The following PTK2B variants were observed in gnomAD, a reference collection of about 807,000 sequenced individuals.
PTK2B encodes the protein protein tyrosine kinase 2 beta.
PTK2B carries 71 observed loss-of-function variants against 142.9 expected under a neutral mutation model. That is an observed-to-expected ratio of 0.50 (90% CI 0.41 to 0.61). The LOEUF is 0.61. Ranked by LOEUF, PTK2B falls within the 20% of genes least tolerant of loss-of-function variation. The probability of loss-of-function intolerance (pLI) is 0.00; values close to 1 mark genes in which losing one functional copy is unlikely to be tolerated. For synonymous variants in PTK2B, 519 were observed against 503.4 expected, an observed-to-expected ratio of 1.03 and a Z score of -0.42; for missense variants, 1,105 against 1,320.4, an observed-to-expected ratio of 0.84 and a Z score of 2.53.
At chr8:27,314,683 A>G (rs747051167) in intron 3 of PTK2B, among the ~76,000 whole-genome samples, 2 of 152,214 alleles carry the variant, frequency 1.3e-5, no homozygotes, top group Non-Finnish European at 1.5e-5. Context: ...TTGAGCCCCT[A>G]TCTCAGGCCG....
chr8:27,329,887 AG>A (rs1006706441), intron 1 of PTK2B, among the ~76,000 whole-genome samples: 8 of 152,134 alleles, frequency 5.3e-5, no homozygotes, highest in African/African-American at 1.9e-4. Flanking sequence ...AGACAATAAC[AG>A]GGCTTTGGGT....
At chr8:27,345,657 C>T (rs1435152545) in intron 1 of PTK2B, among the ~76,000 whole-genome samples, 1 of 152,176 alleles carries the variant, frequency 6.6e-6, no homozygotes, top group African/African-American at 2.4e-5. Context: ...TGATGGGACC[C>T]AGTAACCTAT....
chr8:27,456,477 T>C (rs151234029), intron 30 of PTK2B, among the ~76,000 whole-genome samples: 1 of 152,342 alleles, frequency 6.6e-6, no homozygotes, highest in Non-Finnish European at 1.5e-5. Context: ...ATAAATGTTG[T>C]GTGTGTTCTG....
chr8:27,356,925 A>G (rs1479044717), intron 1 of PTK2B, among the ~76,000 whole-genome samples: 1 of 152,222 alleles, frequency 6.6e-6, no homozygotes, highest in East Asian at 1.9e-4. Flanking sequence ...ATGTGTCTAA[A>G]AGGGGTAACC....
At chr8:27,447,837 C>G (rs759047651) in intron 24 of PTK2B, among the ~76,000 whole-genome samples, 2 of 152,078 alleles carry the variant, frequency 1.3e-5, no homozygotes, top group Non-Finnish European at 2.9e-5. Flanking sequence ...CCAACCTGGG[C>G]AACAGAGCAA....
At chr8:27,356,423 A>T (rs1019460167) in intron 1 of PTK2B, among the ~76,000 whole-genome samples, 1 of 152,236 alleles carries the variant, frequency 6.6e-6, no homozygotes, top group Non-Finnish European at 1.5e-5. Context: ...TTTACTTAAA[A>T]CTTGAAGGAT....
intron 30 of PTK2B, among the ~76,000 whole-genome samples, chr8:27,457,050 C>G (rs1291058166): frequency 6.6e-6 from 1 of 152,226 alleles, no homozygotes; most frequent in African/African-American, 2.4e-5. Flanking sequence ...AGCAAGTTCT[C>G]TAGAAGACCC....
At position 27,436,361 on chromosome 8, in the gene PTK2B, A is replaced by T. The variant is rs754981518; in HGVS notation, c.1341+13A>T. ...CTACACAAATCACGTGAGTTCTAGG[A>T]TCTTCCCTTACACTCCTCTTCCACA... On this transcript the variant is annotated intron_variant, in intron 15 of 30. Coordinates refer to ENST00000346049, the MANE Select transcript of PTK2B (RefSeq NM_173176.3). 8 of 1,596,256 alleles carry T rather than the reference A, an allele frequency of 5.0e-6. No homozygotes were observed. Among genetic ancestry groups the T allele is most frequent in the Non-Finnish European group, 6.9e-6 (8 of 1,163,808 alleles).
intron 2 of PTK2B, among the ~76,000 whole-genome samples, chr8:27,412,963 T>C (rs947652885): frequency 1.1e-4 from 17 of 152,112 alleles, no homozygotes; most frequent in Admixed American, 9.8e-4. Flanking sequence ...CCTTTACTTC[T>C]CAAGTGGCTG....
intron 21 of PTK2B, among the ~76,000 whole-genome samples, chr8:27,442,343 A>G (rs1400479777): frequency 6.6e-6 from 1 of 152,208 alleles, no homozygotes; most frequent in African/African-American, 2.4e-5. Flanking sequence ...GGGGTCTGTG[A>G]TTCCAGGTTA....
chr8:27,424,374 G>A (rs1485372711), intron 5 of PTK2B, among the ~76,000 whole-genome samples: 1 of 152,218 alleles, frequency 6.6e-6, no homozygotes, highest in East Asian at 1.9e-4. Flanking sequence ...CATGACTCCT[G>A]TAGGTAGTCT....
In PTK2B at chr8:27,421,442, G is replaced by A. The variant is rs575532648; in HGVS notation, c.471+698G>A. 5.9e-5 allele frequency among the ~76,000 whole-genome samples: 9 copies of A among 152,108 alleles called. No individual in the cohort carries two copies. The South Asian group carries it at 1.9e-3, about 32-fold the overall frequency. On this transcript the variant is annotated intron_variant, in intron 4 of 30. Coordinates refer to ENST00000346049, the MANE Select transcript of PTK2B (RefSeq NM_173176.3). ...AAGCAGTGTGCACTGTACCCAATGTGTAGTCTTTTATCACTCACCCCTTCC... is the reference window on the plus strand; with the variant it reads ...AAGCAGTGTGCACTGTACCCAATGTATAGTCTTTTATCACTCACCCCTTCC...
chr8:27,393,188 C>T lies in PTK2B; in HGVS notation c.-37-4360C>T, dbSNP rs138058607. ...AGTGTGTCACCATCTGTAAAATGGC[C>T]ATCTTCACTCCTGCCCACCTCCCAG... On this transcript the variant is annotated intron_variant, in intron 1 of 30. Coordinates refer to ENST00000346049, the MANE Select transcript of PTK2B (RefSeq NM_173176.3). Among the ~76,000 whole-genome samples, 508 of 152,266 alleles carry T rather than the reference C, an allele frequency of 3.3e-3. 4 individuals are homozygous for T. The highest frequency in any genetic ancestry group is 0.01 in the Middle Eastern group (3 of 294).
intron 1 of PTK2B, among the ~76,000 whole-genome samples, chr8:27,341,114 C>T (rs115869667): frequency 0.011 from 1,631 of 152,240 alleles, 41 homozygotes; most frequent in African/African-American, 0.037. Flanking sequence ...GAGTAGAAGG[C>T]GCTGTGGTGG....
At chr8:27,418,209 G>T (rs750538) in intron 2 of PTK2B, among the ~76,000 whole-genome samples, 58,675 of 151,954 alleles carry the variant, frequency 0.39, 11,734 homozygotes, top group Middle Eastern at 0.51. Context: ...ATGGGGAAGG[G>T]ATTTTTCAGG....
intron 24 of PTK2B, 139 bp downstream of exon 24, chr8:27,446,058 G>A: frequency 7.6e-7 from 1 of 1,310,696 alleles, no homozygotes; most frequent in South Asian, 1.4e-5. Flanking sequence ...CCACTGAGGT[G>A]GCACTCTGTG....
At chr8:27,394,052 A>G (rs1186079737) in intron 1 of PTK2B, among the ~76,000 whole-genome samples, 4 of 152,176 alleles carry the variant, frequency 2.6e-5, no homozygotes, top group African/African-American at 9.7e-5. Flanking sequence ...GCTACAGTCT[A>G]CTACACACCT....
At position 27,360,716 on chromosome 8, in the gene PTK2B, T is replaced by G. The variant is rs187835111; in HGVS notation, c.-38+35035T>G. Among the ~76,000 whole-genome samples the G allele has an allele frequency of 1.1e-3, 175 of 152,290 alleles. 3 individuals are homozygous for G. The Middle Eastern group carries it at 0.02, about 18-fold the overall frequency. On this transcript the variant is annotated intron_variant, in intron 1 of 30. Transcript: ENST00000346049. ...CAAATGACACGTATATTCTGTGAACTTTCAAAAAAGGATGTGAAAGACTTC... is the reference window on the plus strand; with the variant it reads ...CAAATGACACGTATATTCTGTGAACGTTCAAAAAAGGATGTGAAAGACTTC...
intron 3 of PTK2B, among the ~76,000 whole-genome samples, chr8:27,314,620 A>C (rs1003283036): frequency 2.0e-5 from 3 of 152,210 alleles, no homozygotes; most frequent in Non-Finnish European, 4.4e-5. Flanking sequence ...CCAGGTAACC[A>C]ATGGAGTCCT....
Sources: allele counts gnomAD v4.1 joint callset (sites outside exome capture counted in the v4.1 genomes callset), GRCh38; gene constraint gnomAD v4.1.1; transcripts MANE v1.5; gene names NCBI Gene and HGNC (gene_info 2026-07-23, HGNC 2026-07-21).